The following RBFOX1 variants were observed in gnomAD, a reference collection of about 807,000 sequenced individuals.
RBFOX1 encodes the protein RNA binding protein fox-1 homolog 1.
In RBFOX1, 8 loss-of-function variants were observed where a neutral mutation model predicts 57.7. The ratio of observed to expected loss-of-function variants is 0.14; its 90% confidence interval spans 0.08 to 0.25. The LOEUF (loss-of-function observed/expected upper bound fraction) is 0.25. Ranked by LOEUF, RBFOX1 falls within the 10% of genes least tolerant of loss-of-function variation. The probability of loss-of-function intolerance (pLI) is 1.00; values close to 1 mark genes in which losing one functional copy is unlikely to be tolerated. For synonymous variants in RBFOX1, 326 were observed against 222.4 expected (o/e 1.47, Z -4.15); for missense variants, 611 against 548.5 (o/e 1.11, Z -1.14).
At chr16:7,580,717 GAC>G (rs2093694175) in intron 6 of RBFOX1, among the ~76,000 whole-genome samples, 1 of 152,130 alleles carries the variant, frequency 6.6e-6, no homozygotes, top group South Asian at 2.1e-4. Flanking sequence ...ACTTTGGGAA[GAC>G]ATGAGTTTGC....
intron 4 of RBFOX1, among the ~76,000 whole-genome samples, chr16:7,348,493 C>T (rs1218313361): frequency 6.6e-6 from 1 of 152,114 alleles, no homozygotes; most frequent in East Asian, 1.9e-4. Context: ...TCCACATGCC[C>T]CTTTGCTCTT....
chr16:7,071,296 G>A (rs1056997254), intron 4 of RBFOX1, among the ~76,000 whole-genome samples: 1 of 152,014 alleles, frequency 6.6e-6, no homozygotes, highest in Non-Finnish European at 1.5e-5. Flanking sequence ...TCTGGTAGGT[G>A]GTGTGAAAAG....
chr16:6,910,869 C>G (rs533601988), intron 3 of RBFOX1, among the ~76,000 whole-genome samples: 1 of 152,144 alleles, frequency 6.6e-6, no homozygotes, highest in Non-Finnish European at 1.5e-5. Context: ...TCATGCTGGT[C>G]TTTATACCTT....
intron 14 of RBFOX1, among the ~76,000 whole-genome samples, chr16:7,704,730 G>T (rs1449880867): frequency 6.6e-6 from 1 of 152,164 alleles, no homozygotes. Context: ...AAGGGGTAGG[G>T]ATGAAGTTGG....
At chr16:5,925,368 C>T (rs1390767578) in intron 4 of RBFOX1, among the ~76,000 whole-genome samples, 1 of 151,904 alleles carries the variant, frequency 6.6e-6, no homozygotes, top group Non-Finnish European at 1.5e-5. Flanking sequence ...GTAGATGAAC[C>T]TTGAAAATAC....
At chr16:7,147,478 G>A (rs887271137) in intron 4 of RBFOX1, among the ~76,000 whole-genome samples, 2 of 151,938 alleles carry the variant, frequency 1.3e-5, no homozygotes, top group African/African-American at 4.8e-5. Flanking sequence ...CCACTCCCCT[G>A]CATCTCATAG....
At chr16:6,467,704 G>A (rs1357110762) in intron 2 of RBFOX1, among the ~76,000 whole-genome samples, 2 of 152,174 alleles carry the variant, frequency 1.3e-5, no homozygotes, top group Non-Finnish European at 2.9e-5. Flanking sequence ...TGTGTGATAT[G>A]CCACTGGACT....
chr16:6,815,363 C>T (rs187003216), intron 3 of RBFOX1, among the ~76,000 whole-genome samples: 1 of 152,240 alleles, frequency 6.6e-6, no homozygotes, highest in East Asian at 1.9e-4. Flanking sequence ...ACTAAGATTG[C>T]CTAACCTTCT....
intron 4 of RBFOX1, among the ~76,000 whole-genome samples, chr16:7,253,992 A>C (rs2094582151): frequency 6.6e-6 from 1 of 152,204 alleles, no homozygotes; most frequent in African/African-American, 2.4e-5. Flanking sequence ...CCTTGAAAAT[A>C]CGTTATGGTG....
chr16:6,952,277 A>C (rs1296810356), intron 3 of RBFOX1, among the ~76,000 whole-genome samples: 1 of 152,170 alleles, frequency 6.6e-6, no homozygotes, highest in Non-Finnish European at 1.5e-5. Flanking sequence ...TAAAAGAACA[A>C]ACTTAAAGGT....
intron 1 of RBFOX1, among the ~76,000 whole-genome samples, chr16:5,342,159 T>G (rs1417365752): frequency 6.6e-6 from 1 of 152,230 alleles, no homozygotes; most frequent in African/African-American, 2.4e-5. Context: ...GCTTTGCATA[T>G]ATGTTCATTT....
In RBFOX1 at chr16:7,027,400, C is replaced by G. The variant is rs552565808; in HGVS notation, c.-15-24657C>G. ...ATCTCATAGATGCCTAACAAAAACC[C>G]TGTAAGTTAGACACCCTTAACATCT... On this transcript the variant is annotated intron_variant, in intron 3 of 15. Coordinates refer to ENST00000550418, the MANE Select transcript of RBFOX1 (RefSeq NM_018723.4). Among the ~76,000 whole-genome samples, 9 of 152,244 alleles carry G rather than the reference C, an allele frequency of 5.9e-5. No homozygotes were observed. The East Asian group carries it at 1.5e-3, about 26-fold the overall frequency.
rs114683771 is a variant in RBFOX1, at chr16:5,975,811, C to T, written c.351+108476C>T. Among the ~76,000 whole-genome samples, 1,379 of 152,178 alleles carry T rather than the reference C, an allele frequency of 9.1e-3. 18 individuals carry two copies. The highest frequency in any genetic ancestry group is 0.03 in the African/African-American group (1,235 of 41,508). On this transcript the variant is annotated intron_variant, in intron 4 of 19. Transcript: ENST00000641259. ...ATTCAATGAGATATTGAATGGCTAG[C>T]GCTCGACATATAGTAATAACTCAGT...
chr16:6,167,185 G>A (rs964300955), intron 1 of RBFOX1, among the ~76,000 whole-genome samples: 20 of 152,358 alleles, frequency 1.3e-4, no homozygotes, highest in Middle Eastern at 3.4e-3. Flanking sequence ...GGGAAGAGCC[G>A]AAACACGCAT....
chr16:7,247,063 A>T (rs1466441959), intron 4 of RBFOX1, among the ~76,000 whole-genome samples: 1 of 152,144 alleles, frequency 6.6e-6, no homozygotes, highest in Non-Finnish European at 1.5e-5. Context: ...CTGTAGTACA[A>T]TGGGGTCCTT....
intron 3 of RBFOX1, among the ~76,000 whole-genome samples, chr16:6,768,733 T>C (rs1488801464): frequency 6.7e-6 from 1 of 148,886 alleles, no homozygotes; most frequent in Non-Finnish European, 1.5e-5. Context: ...ATGATGATAT[T>C]ATTTTTCTTT....
rs1045688063 is a variant in RBFOX1, at chr16:6,674,280, A to G, written c.-16+19630A>G. On this transcript the variant is annotated intron_variant, in intron 3 of 15. Transcript: ENST00000550418. ...TTAAAATGACGTCATCCTGGATTGG[A>G]GCAGTCGTAAAACCAATGACTGGGT... Among the ~76,000 whole-genome samples, 62 of 152,166 alleles carry G rather than the reference A, an allele frequency of 4.1e-4. 1 individual carries two copies. Among genetic ancestry groups the G allele is most frequent in the African/African-American group, 1.3e-3 (55 of 41,518 alleles).
At chr16:6,201,703 G>A (rs969006042) in intron 1 of RBFOX1, among the ~76,000 whole-genome samples, 3 of 152,076 alleles carry the variant, frequency 2.0e-5, no homozygotes, top group South Asian at 2.1e-4. Context: ...AATGGTAAAC[G>A]CTTGAGGTGA....
intron 2 of RBFOX1, among the ~76,000 whole-genome samples, chr16:5,560,538 GT>G (rs2045854456): frequency 2.6e-5 from 4 of 152,156 alleles, no homozygotes; most frequent in Admixed American, 2.6e-4. Flanking sequence ...TCCTTTGTCT[GT>G]TTGAATCTCC....
Sources: gnomAD v4.1 joint callset for allele counts (sites outside exome capture counted in the v4.1 genomes callset) on GRCh38, gnomAD v4.1.1 for gene constraint, MANE v1.5 for transcripts, NCBI Gene and HGNC (gene_info 2026-07-23, HGNC 2026-07-21) for gene names.